IMMT: variants seen among roughly 807,000 people sequenced by gnomAD.
The protein encoded by IMMT is inner membrane mitochondrial protein.
A neutral mutation model predicts 92.7 loss-of-function variants in IMMT; 40 were observed. The ratio of observed to expected loss-of-function variants is 0.43; its 90% CI spans 0.34 to 0.56. The LOEUF (loss-of-function observed/expected upper bound fraction) is 0.56, where lower values mean the gene tolerates loss of function less well. IMMT is among the 20% of genes least tolerant of loss of function. The pLI is 0.03. For synonymous variants in IMMT, 322 were observed against 336.1 expected, an observed-to-expected ratio of 0.96 and a Z score of 0.46; for missense variants, 831 against 912.1, an observed-to-expected ratio of 0.91 and a Z score of 1.14.
At chr2:86,159,257 G>C (rs1368146338) in intron 9 of IMMT, 12 of 416,710 alleles carry the variant, frequency 2.9e-5, no homozygotes, top group Non-Finnish European at 4.5e-5. Flanking sequence ...ACTTATTTTT[G>C]TATTTTTTGT....
intron 7 of IMMT, 141 bp downstream of exon 7, chr2:86,166,367 A>C (rs1295740590): frequency 7.4e-6 from 5 of 672,710 alleles, no homozygotes; most frequent in Non-Finnish European, 1.2e-5. Context: ...ATTCCAGACT[A>C]TCTTCCCCTA....
chr2:86,158,624 G>T lies in IMMT; in HGVS notation c.1130C>A (p.Thr377Asn). ...DDFKRELDSI[T>N]PEVLPGWKGM... ...TTTCCACCCAGGAAGGACTTCTGGA[G>T]TAATACTGTCCAGCTCTCGTTTAAA... Residue 377 changes from threonine (T) to asparagine (N), a missense_variant, in exon 10 of 15, where the codon ACT becomes AAT. Coordinates refer to ENST00000410111, the MANE Select transcript of IMMT (RefSeq NM_006839.3). 1.2e-6 allele frequency: 2 copies of T among 1,606,996 alleles called. No individual in the cohort carries two copies.
chr2:86,167,466 C>A (rs1676780566), intron 6 of IMMT, among the ~76,000 whole-genome samples: 1 of 138,490 alleles, frequency 7.2e-6, no homozygotes, highest in South Asian at 2.4e-4. Context: ...AGCCACCGTG[C>A]CCGGTTTTTT....
chr2:86,173,245 G>A (rs533951877), intron 4 of IMMT, among the ~76,000 whole-genome samples: 38 of 152,350 alleles, frequency 2.5e-4, no homozygotes, highest in African/African-American at 8.9e-4. Context: ...GCAGGGACTA[G>A]AGCAAGACAC....
chr2:86,145,598 T>A (rs962670128), intron 14 of IMMT, among the ~76,000 whole-genome samples: 1 of 152,004 alleles, frequency 6.6e-6, no homozygotes, highest in African/African-American at 2.4e-5. Context: ...TTTATTGTTA[T>A]GTGACAAAAA....
intron 14 of IMMT, among the ~76,000 whole-genome samples, 171 bp downstream of exon 14, chr2:86,145,897 T>C (rs1674965087): frequency 1.3e-5 from 2 of 152,206 alleles, no homozygotes; most frequent in Non-Finnish European, 2.9e-5. Context: ...TATAAATTTC[T>C]AGTTATATAG....
chr2:86,148,751 C>T (rs1159824089), intron 12 of IMMT, among the ~76,000 whole-genome samples: 2 of 152,052 alleles, frequency 1.3e-5, no homozygotes, highest in Non-Finnish European at 2.9e-5. Flanking sequence ...AAAAAATATA[C>T]CTTGCCTAAC....
chr2:86,173,447 G>A (rs1307278142), intron 4 of IMMT: 1 of 457,164 alleles, frequency 2.2e-6, no homozygotes, highest in African/African-American at 2.0e-5. Context: ...GGGCGTGCTG[G>A]CACATGCCTG....
chr2:86,159,075 CA>C (rs1163276123), intron 9 of IMMT, among the ~76,000 whole-genome samples: 1 of 149,394 alleles, frequency 6.7e-6, no homozygotes, highest in African/African-American at 2.5e-5. Flanking sequence ...GGTTGGTGTC[CA>C]AGGCAAAAAA....
At chr2:86,168,490 G>A (rs1676871931) in intron 6 of IMMT, among the ~76,000 whole-genome samples, 1 of 152,126 alleles carries the variant, frequency 6.6e-6, no homozygotes, top group South Asian at 2.1e-4. Flanking sequence ...AGACATGGTG[G>A]TGGGTGCCTA....
intron 10 of IMMT, among the ~76,000 whole-genome samples, chr2:86,156,826 C>T (rs1675891519): frequency 1.3e-5 from 2 of 152,034 alleles, no homozygotes; most frequent in Non-Finnish European, 2.9e-5. Context: ...TGGAGACTCC[C>T]TACTACCTAC....
chr2:86,160,309 A>G (rs1248164705), intron 8 of IMMT, among the ~76,000 whole-genome samples: 1 of 152,218 alleles, frequency 6.6e-6, no homozygotes, highest in African/African-American at 2.4e-5. Flanking sequence ...CTGAATCATG[A>G]GCACACAATA....
At chr2:86,171,441 T>G (rs1677075894) in intron 4 of IMMT, 96 bp from the exon 5 acceptor site, 1 of 1,127,834 alleles carries the variant, frequency 8.9e-7, no homozygotes, top group African/African-American at 1.5e-5. Context: ...ACTTCACATC[T>G]GACTCCTTAG....
chr2:86,147,635 A>G, intron 13 of IMMT, 67 bp downstream of exon 13: 19 of 1,486,262 alleles, frequency 1.3e-5, no homozygotes, highest in Non-Finnish European at 1.5e-5. Flanking sequence ...AGTACATTAA[A>G]AGGAAAGGAG....
intron 13 of IMMT, among the ~76,000 whole-genome samples, 192 bp from the exon 14 acceptor site, chr2:86,146,389 T>G (rs535688389): frequency 2.6e-5 from 4 of 151,840 alleles, no homozygotes; most frequent in Admixed American, 6.5e-5. Context: ...TTTTTTTTTT[T>G]GAGATGGAAT....
At chr2:86,194,950 G>C (rs9653569) in intron 1 of IMMT, 105,339 of 226,870 alleles carry the variant, frequency 0.46, 25,364 homozygotes, top group Non-Finnish European at 0.51. Flanking sequence ...ACAAGCCGCC[G>C]CTCCGCTCGT....
intron 6 of IMMT, among the ~76,000 whole-genome samples, chr2:86,167,969 G>C (rs533932464): frequency 2.6e-5 from 4 of 152,034 alleles, no homozygotes; most frequent in African/African-American, 7.2e-5. Context: ...AACAACAATC[G>C]TAACAGGGAA....
intron 3 of IMMT, among the ~76,000 whole-genome samples, chr2:86,177,198 T>C (rs1045767036): frequency 1.5e-4 from 23 of 151,142 alleles, no homozygotes; most frequent in African/African-American, 5.1e-4. Context: ...CCTCCTAGCG[T>C]AAAGAAATGC....
At chr2:86,186,512 A>ACC (rs1672782574) in intron 1 of IMMT, among the ~76,000 whole-genome samples, 1 of 152,202 alleles carries the variant, frequency 6.6e-6, no homozygotes, top group South Asian at 2.1e-4. Context: ...CATAAAAAGG[A>ACC]TACAGCTTCT....
Sources: allele counts gnomAD v4.1 joint callset (sites outside exome capture counted in the v4.1 genomes callset), GRCh38; gene constraint gnomAD v4.1.1; transcripts MANE v1.5; gene names NCBI Gene and HGNC (gene_info 2026-07-23, HGNC 2026-07-21).